DLGAP4: variants seen among roughly 807,000 people sequenced by gnomAD.
The protein encoded by DLGAP4 is DLG associated protein 4.
DLGAP4 carries 18 observed loss-of-function variants against 86.9 expected under a neutral mutation model. The observed-to-expected ratio is 0.21, with a 90% CI of 0.14 to 0.31. DLGAP4 has a LOEUF of 0.31. Ranked by LOEUF, DLGAP4 falls within the 10% of genes least tolerant of loss-of-function variation. The probability of loss-of-function intolerance (pLI) is 1.00; values close to 1 mark genes in which losing one functional copy is unlikely to be tolerated. For missense variants in DLGAP4, 1,085 were observed against 1,362.6 expected (o/e 0.80, Z 3.21); for synonymous variants, 548 against 574.3 (o/e 0.95, Z 0.65).
chr20:36,400,123 G>A (rs1416779729), intron 2 of DLGAP4, among the ~76,000 whole-genome samples: 3 of 152,210 alleles, frequency 2.0e-5, no homozygotes, highest in South Asian at 2.1e-4. Context: ...ACTATATTTT[G>A]TATACAAGCT....
At chr20:36,323,175 CAAAAAAAAAAAAAAAA>C (rs1164348704) in intron 1 of DLGAP4, among the ~76,000 whole-genome samples, 2 of 35,374 alleles carry the variant, frequency 5.7e-5, no homozygotes, top group Non-Finnish European at 1.5e-4. Flanking sequence ...GACCCTATCT[CAAAAAAAAAAAAAAAA>C]AAAAAAAAAA....
chr20:36,476,704 G>GTTTTTTTT (rs1569513143), intron 7 of DLGAP4, among the ~76,000 whole-genome samples: 1 of 47,854 alleles, frequency 2.1e-5, no homozygotes, highest in South Asian at 5.2e-4. Context: ...TTTTTTTTTT[G>GTTTTTTTT]GTTTTTTTTT....
chr20:36,525,675 TG>T, intron 11 of DLGAP4, 175 bp from the exon 12 acceptor site: 1 of 790,418 alleles, frequency 1.3e-6, no homozygotes. Context: ...CCACTAGGGC[TG>T]GTGCTGACCA....
rs41274714 is a variant in DLGAP4 at position 36,500,348 on chromosome 20, G to A, written c.2249G>A (p.Arg750Gln). The A allele has an allele frequency of 0.018, 29,762 of 1,613,216 alleles. 507 individuals are homozygous for A. The highest frequency in any genetic ancestry group is 0.054 in the East Asian group (2,409 of 44,844). ...PNSISIDAGP[R>Q]QAPKIAQIKR... is the part of the protein sequence containing the mutation. ...TCCATCAGCATCGATGCCGGTCCCCGGCAGGCCCCCAAGATTGCCCAGATC... is the reference window on the plus strand; with the variant it reads ...TCCATCAGCATCGATGCCGGTCCCCAGCAGGCCCCCAAGATTGCCCAGATC... The change falls in exon 10 of 13, where the codon CGG becomes CAG. Residue 750 changes from arginine (R) to glutamine (Q), a missense_variant. Physicochemically the swap from Arg to Gln is conservative, Grantham distance 43 (BLOSUM62 1). Coordinates refer to ENST00000339266, the MANE Select transcript of DLGAP4 (RefSeq NM_001365621.2). This position sits in a 1 kb window ranked among gnomAD's most constrained non-coding sequence, Gnocchi z 4.6.
intron 7 of DLGAP4, among the ~76,000 whole-genome samples, chr20:36,483,410 C>G (rs2035273970): frequency 6.6e-6 from 1 of 152,212 alleles, no homozygotes. Flanking sequence ...CATTCCCACA[C>G]TCATAGCCCC....
In DLGAP4 at chr20:36,436,231, C is replaced by A. The variant is rs752632942; in HGVS notation, c.1122C>A (p.Gly374=). Residue 374 remains glycine, a synonymous_variant, in exon 4 of 13, where the codon GGC becomes GGA. Coordinates refer to ENST00000339266, the MANE Select transcript of DLGAP4 (RefSeq NM_001365621.2). ...GCGGCAGCTACATCAAGGCCATGGG[C>A]GACGAGGACAGCGACGAGTCCGGCG... ...MRSGSYIKAM[G]DEDSDESGGS... is the part of the protein sequence containing the mutation. 2.5e-6 allele frequency: 4 copies of A among 1,605,506 alleles called. No homozygotes were observed. Among genetic ancestry groups the A allele is most frequent in the Non-Finnish European group, 3.4e-6 (4 of 1,179,382 alleles).
At chr20:36,382,343 T>C (rs1415554441) in intron 2 of DLGAP4, among the ~76,000 whole-genome samples, 1 of 147,718 alleles carries the variant, frequency 6.8e-6, no homozygotes, top group Non-Finnish European at 1.5e-5. Context: ...CCTTAGCCAC[T>C]GTGTAGTGGC....
At chr20:36,462,676 C>A (rs2034151717) in intron 7 of DLGAP4, 1 of 1,528,728 alleles carries the variant, frequency 6.5e-7, no homozygotes, top group South Asian at 1.2e-5. Flanking sequence ...GGGGTTGGCG[C>A]TGGGGCAAGG....
chr20:36,419,176 G>A (rs185889073), intron 2 of DLGAP4, among the ~76,000 whole-genome samples: 7 of 151,850 alleles, frequency 4.6e-5, no homozygotes, highest in Admixed American at 4.6e-4. Context: ...AGACTGGAGT[G>A]CAGTGGCAAA....
intron 7 of DLGAP4, among the ~76,000 whole-genome samples, chr20:36,449,917 C>A (rs1179476696): frequency 1.3e-5 from 2 of 152,238 alleles, no homozygotes; most frequent in Admixed American, 1.3e-4. Context: ...GACAGTTCTG[C>A]TCCACATGTC....
At chr20:36,354,545 C>A (rs1284593167) in intron 1 of DLGAP4, among the ~76,000 whole-genome samples, 1 of 152,174 alleles carries the variant, frequency 6.6e-6, no homozygotes, top group Non-Finnish European at 1.5e-5. Flanking sequence ...GCCACTCTGT[C>A]CCCTGACTAG....
chr20:36,492,369 G>T lies in DLGAP4; in HGVS notation c.1649-4336G>T, dbSNP rs754133448. 139 of 152,230 alleles carry T rather than the reference G, an allele frequency of 9.1e-4. 1 individual carries two copies. The highest frequency in any genetic ancestry group is 1.4e-3 in the Non-Finnish European group (97 of 68,098). The allele number at this position is 152,230 out of a possible 1,614,324, so 9.4% of individuals were successfully genotyped here. A position where few individuals can be genotyped will look rare whatever the true frequency, so the allele number is the denominator to read the frequency against. On this transcript the variant is annotated intron_variant, in intron 7 of 12. Coordinates refer to ENST00000339266, the MANE Select transcript of DLGAP4 (RefSeq NM_001365621.2). The stretch of plus-strand genomic sequence containing the variant: ...CCTGTGTGTGCCTCAGGAGACAGAG[G>T]ATCCAAGATCAGCTCACTTTCCTCT...
chr20:36,345,861 G>A lies in DLGAP4; in HGVS notation c.-303-21184G>A, dbSNP rs376397906. On this transcript the variant is annotated intron_variant, in intron 1 of 12. Transcript: ENST00000339266. The stretch of plus-strand genomic sequence containing the variant: ...CCGCCTTGACCTCTCAGGCTCAAGT[G>A]ATCCTCCCACCTCAGCCTCCCAAGT... Among the ~76,000 whole-genome samples, 40 of 152,182 alleles carry A rather than the reference G, an allele frequency of 2.6e-4. 3 individuals carry two copies. The highest frequency in any genetic ancestry group is 1.7e-3 in the East Asian group (9 of 5,174).
intron 8 of DLGAP4, chr20:36,499,349 A>AAGCC: frequency 2.5e-6 from 4 of 1,590,134 alleles, no homozygotes; most frequent in Non-Finnish European, 2.6e-6. Flanking sequence ...TCTCCACCCC[A>AAGCC]TCCCACCTCC....
intron 11 of DLGAP4, chr20:36,525,556 C>G (rs1482036818): frequency 6.3e-6 from 3 of 473,524 alleles, no homozygotes; most frequent in Non-Finnish European, 1.2e-5. Flanking sequence ...CCAAGAACTT[C>G]TGTTTCTTCC....
At chr20:36,421,170 T>C (rs567517379) in intron 2 of DLGAP4, among the ~76,000 whole-genome samples, 1 of 147,992 alleles carries the variant, frequency 6.8e-6, no homozygotes, top group Non-Finnish European at 1.5e-5. Flanking sequence ...TAAAGAAGAC[T>C]AGGGGCCGGG....
At chr20:36,486,421 A>G (rs1249374070) in intron 7 of DLGAP4, among the ~76,000 whole-genome samples, 3 of 152,184 alleles carry the variant, frequency 2.0e-5, no homozygotes, top group Non-Finnish European at 4.4e-5. Flanking sequence ...AGGAGCAGAC[A>G]TGCCAACATG....
chr20:36,426,180 T>C (rs1227331056), intron 2 of DLGAP4, among the ~76,000 whole-genome samples: 1 of 152,172 alleles, frequency 6.6e-6, no homozygotes, highest in African/African-American at 2.4e-5. Context: ...ATTGAGAATA[T>C]TTAGCATAGG....
At chr20:36,356,034 C>A (rs1555893795) in intron 1 of DLGAP4, among the ~76,000 whole-genome samples, 1 of 152,230 alleles carries the variant, frequency 6.6e-6, no homozygotes, top group Admixed American at 6.5e-5. Flanking sequence ...ATAGGCCAGT[C>A]CAATCAGAGT....
Sources: gnomAD v4.1 joint callset for allele counts (sites outside exome capture counted in the v4.1 genomes callset) on GRCh38, gnomAD v4.1.1 for gene constraint, Gnocchi (gnomAD v3.1) non-coding constraint, MANE v1.5 for transcripts, NCBI Gene and HGNC (gene_info 2026-07-23, HGNC 2026-07-21) for gene names.